ARID3B: variants seen among roughly 807,000 people sequenced by gnomAD.
ARID3B encodes AT-rich interaction domain 3B.
ARID3B carries 10 observed loss-of-function variants against 51.9 expected under a neutral mutation model. The observed-to-expected ratio is 0.19, with a 90% CI of 0.12 to 0.33. ARID3B has a LOEUF of 0.33. Among genes scored for constraint, ARID3B ranks in the 10% least tolerant of loss-of-function variants. ARID3B has a pLI of 1.00. For missense variants in ARID3B, 483 were observed against 716.3 expected, an observed-to-expected ratio of 0.67 and a Z score of 3.72; for synonymous variants, 205 against 279.5, an observed-to-expected ratio of 0.73 and a Z score of 2.66.
At chr15:74,566,608 A>G (rs926663100) in intron 2 of ARID3B, among the ~76,000 whole-genome samples, 2 of 151,998 alleles carry the variant, frequency 1.3e-5, no homozygotes, top group African/African-American at 4.8e-5. Flanking sequence ...GTCTCAAAAA[A>G]AAAAAAAAAG....
intron 2 of ARID3B, among the ~76,000 whole-genome samples, chr15:74,555,786 CTTT>C (rs869243539): frequency 1.1e-5 from 1 of 95,112 alleles, no homozygotes; most frequent in Non-Finnish European, 2.0e-5. Flanking sequence ...AGCTGTATTT[CTTT>C]TTTTTTTTTT....
At chr15:74,574,875 G>A (rs927478231) in intron 4 of ARID3B, 1 of 151,982 alleles carries the variant, frequency 6.6e-6, no homozygotes, top group African/African-American at 2.4e-5. Flanking sequence ...GGTAGCGCGT[G>A]CCTGTAGTTC....
chr15:74,595,551 G>A, intron 8 of ARID3B, 60 bp from the exon 9 acceptor site: 1 of 1,566,540 alleles, frequency 6.4e-7, no homozygotes, highest in Non-Finnish European at 8.7e-7. Context: ...TTACTGAAAG[G>A]AGCTGGCCCT....
chr15:74,569,584 A>G (rs1000491997), intron 2 of ARID3B, among the ~76,000 whole-genome samples: 25 of 152,170 alleles, frequency 1.6e-4, no homozygotes, highest in Non-Finnish European at 2.4e-4. Context: ...CAGTCTTCCT[A>G]TATTGCTCAG....
At chr15:74,553,880 A>G (rs1364042187) in intron 2 of ARID3B, among the ~76,000 whole-genome samples, 1 of 150,926 alleles carries the variant, frequency 6.6e-6, no homozygotes, top group African/African-American at 2.4e-5. Context: ...CTGGAGTGCA[A>G]TGGCACAATC....
In ARID3B at chr15:74,544,100, C is replaced by A. The variant is rs2141371256; in HGVS notation, c.164C>A (p.Ala55Asp). ...KLVTQPTLLS[A>D]TAGRPSGSTP... ...GTCACACAGCCGACTCTCCTTTCCGCCACAGCTGGGAGACCTTCTGGCAGC... is the reference window on the plus strand; with the variant it reads ...GTCACACAGCCGACTCTCCTTTCCGACACAGCTGGGAGACCTTCTGGCAGC... Residue 55 changes from alanine (A) to aspartate (D), a missense_variant, in exon 2 of 9, where the codon GCC (alanine) becomes GAC (aspartate). By Grantham distance (126) the Ala-to-Asp change is moderately radical. This residue lies in a region of ARID3B where 182 missense variants were observed against 244.5 expected (regional missense o/e 0.74). Transcript: ENST00000346246. 1.2e-6 allele frequency: 2 copies of A among 1,613,960 alleles called. No homozygotes were observed. Among genetic ancestry groups the A allele is most frequent in the Non-Finnish European group, 1.7e-6 (2 of 1,179,872 alleles).
intron 2 of ARID3B, among the ~76,000 whole-genome samples, chr15:74,550,031 A>G (rs1361374209): frequency 6.6e-6 from 1 of 151,890 alleles, no homozygotes; most frequent in Non-Finnish European, 1.5e-5. Context: ...AGCACCAGAG[A>G]CTCTTTTCCT....
intron 2 of ARID3B, among the ~76,000 whole-genome samples, chr15:74,555,301 G>A (rs2141451165): frequency 6.6e-6 from 1 of 152,096 alleles, no homozygotes; most frequent in Admixed American, 6.6e-5. Flanking sequence ...CATAGAATAA[G>A]ACAACAGTGA....
chr15:74,543,379 A>C (rs2061601448), intron 1 of ARID3B, among the ~76,000 whole-genome samples: 1 of 152,160 alleles, frequency 6.6e-6, no homozygotes. Flanking sequence ...TAGAGGTGAT[A>C]TCTTTCTCCT....
At chr15:74,578,548 G>A (rs2061747149) in intron 4 of ARID3B, among the ~76,000 whole-genome samples, 1 of 152,068 alleles carries the variant, frequency 6.6e-6, no homozygotes. Context: ...GGAGTGTCTG[G>A]GGGACACAGG....
At chr15:74,560,315 AAGT>A (rs1420962918) in intron 2 of ARID3B, among the ~76,000 whole-genome samples, 1 of 152,168 alleles carries the variant, frequency 6.6e-6, no homozygotes, top group African/African-American at 2.4e-5. Flanking sequence ...TATATTACAG[AAGT>A]AATAATAACT....
intron 2 of ARID3B, among the ~76,000 whole-genome samples, chr15:74,567,607 T>C (rs2141461660): frequency 6.6e-6 from 1 of 152,254 alleles, no homozygotes; most frequent in Middle Eastern, 3.4e-3. Context: ...TTCCACGCCA[T>C]GACATGCCAT....
rs1295123408 is a variant in ARID3B, at chr15:74,548,080, C to T, written c.552+3592C>T. ...CACAGTGATGGGAAGATGGATAACG[C>T]CATTGAGCCAAGTGTTCTAAAACCC... On this transcript the variant is annotated intron_variant, in intron 2 of 8. Coordinates refer to ENST00000346246, the MANE Select transcript of ARID3B (RefSeq NM_006465.4). 5.9e-5 allele frequency among the ~76,000 whole-genome samples: 9 copies of T among 152,304 alleles called. No individual in the cohort carries two copies. The East Asian group carries it at 1.7e-3, about 29-fold the overall frequency.
intron 4 of ARID3B, among the ~76,000 whole-genome samples, chr15:74,582,502 A>G (rs1488251369): frequency 6.6e-6 from 1 of 152,184 alleles, no homozygotes; most frequent in East Asian, 1.9e-4. Flanking sequence ...GCAGAATACA[A>G]TATTACATTT....
Position 74,586,921 on chromosome 15 carries a change from C to T in ARID3B, c.698-2899C>T, listed in dbSNP as rs527552698. On this transcript the variant is annotated intron_variant, in intron 4 of 8. Coordinates refer to ENST00000346246, the MANE Select transcript of ARID3B (RefSeq NM_006465.4). ...GAACTGGGGTAGTGAGAACATGCTT[C>T]CTGGAAGGAGTGGATATGGAAGAAC... 1.2e-3 allele frequency among the ~76,000 whole-genome samples: 182 copies of T among 152,220 alleles called. No individual in the cohort carries two copies. The Middle Eastern group carries it at 0.017, about 14-fold the overall frequency.
At position 74,566,378 on chromosome 15, in the gene ARID3B, TC is replaced by T. The variant is rs376907832; in HGVS notation, c.553-6483del. The stretch of plus-strand genomic sequence containing the variant: ...ACTTGGGGAGGCTGAGACGGGCAGA[TC>T]ACCTGAGGTCAGGAGTTTGAGACCA... On this transcript the variant is annotated intron_variant, in intron 2 of 8. Transcript: ENST00000346246. Among the ~76,000 whole-genome samples, 1,098 of 152,096 alleles carry T rather than the reference TC, an allele frequency of 7.2e-3. 6 individuals carry two copies. Among genetic ancestry groups the T allele is most frequent in the African/African-American group, 0.025 (1,057 of 41,474 alleles).
At position 74,551,958 on chromosome 15, in the gene ARID3B, C is replaced by T. The variant is rs184676047; in HGVS notation, c.552+7470C>T. On this transcript the variant is annotated intron_variant, in intron 2 of 8. Transcript: ENST00000346246. ...ATTGATTTCTCAGCATTATTGAATA[C>T]AGAGCACTCCCTCCTTGAATATTCT... is the stretch of plus-strand genomic sequence containing the variant. Among the ~76,000 whole-genome samples, 330 of 152,094 alleles carry T rather than the reference C, an allele frequency of 2.2e-3. 1 individual carries two copies. Among genetic ancestry groups the T allele is most frequent in the Non-Finnish European group, 3.6e-3 (244 of 67,956 alleles).
rs757748167 is a variant in ARID3B at position 74,595,730 on chromosome 15, C to G, written c.1639C>G (p.Arg547Gly). The change falls in exon 9 of 9, where the codon CGG (arginine) becomes GGG (glycine). Residue 547 changes from arginine to glycine, a missense_variant. By Grantham distance (125) the Arg-to-Gly change is moderately radical (BLOSUM62 -2). This residue lies in a region of ARID3B where 265 missense variants were observed against 354.4 expected (regional missense o/e 0.75). Coordinates refer to ENST00000346246, the MANE Select transcript of ARID3B (RefSeq NM_006465.4). ...SHCSPSPTSS[R>G]GTPSAEPSTS... ...CTGTTCACCAAGTCCTACCTCATCC[C>G]GGGGCACCCCCAGCGCAGAGCCCTC... The G allele has an allele frequency of 1.2e-6, 2 of 1,611,978 alleles. No individual in the cohort carries two copies. Among genetic ancestry groups the G allele is most frequent in the Non-Finnish European group, 1.7e-6 (2 of 1,178,722 alleles).
intron 2 of ARID3B, among the ~76,000 whole-genome samples, chr15:74,558,201 G>GTTTTTTTTTTTTTTTTTTT (rs2061666676): frequency 7.4e-6 from 1 of 135,142 alleles, no homozygotes; most frequent in African/African-American, 2.8e-5. Context: ...TTTTTTTTGG[G>GTTTTTTTTTTTTTTTTTTT]TACTATTTTT....
Sources: gnomAD v4.1 joint callset for allele counts (sites outside exome capture counted in the v4.1 genomes callset) on GRCh38, gnomAD v4.1.1 for gene constraint, gnomAD v4.1.1 regional missense constraint, MANE v1.5 for transcripts, NCBI Gene and HGNC (gene_info 2026-07-23, HGNC 2026-07-21) for gene names.